The following ZNF804B variants were observed in gnomAD, a reference collection of about 807,000 sequenced individuals.
The protein encoded by ZNF804B is zinc finger protein 804B, also known as zinc finger 804B.
In ZNF804B, 80 loss-of-function variants were observed where a neutral mutation model predicts 101.4. The observed-to-expected ratio is 0.79, with a 90% CI of 0.66 to 0.95. The LOEUF (loss-of-function observed/expected upper bound fraction) is 0.95, where lower values mean the gene tolerates loss of function less well. Ranked by LOEUF, ZNF804B falls within the 40% of genes least tolerant of loss-of-function variation. ZNF804B has a pLI of 0.00. For missense variants in ZNF804B, 1,673 were observed against 1,561.9 expected, an observed-to-expected ratio of 1.07 and a Z score of -1.20; for synonymous variants, 622 against 558.8, an observed-to-expected ratio of 1.11 and a Z score of -1.59.
intron 1 of ZNF804B, among the ~76,000 whole-genome samples, chr7:88,836,096 C>A (rs553642267): frequency 6.6e-6 from 1 of 152,044 alleles, no homozygotes; most frequent in East Asian, 1.9e-4. Context: ...AAGGTATATA[C>A]AAGGGATCAA....
At position 89,204,400 on chromosome 7, in the gene ZNF804B, G is replaced by A. The variant is rs566513023; in HGVS notation, c.109-13755G>A. On this transcript the variant is annotated intron_variant, in intron 1 of 3. Transcript: ENST00000333190. The stretch of plus-strand genomic sequence containing the variant: ...CTACCTTTATAAATGGAACAGCATT[G>A]TGAGTCTGGAGGAAGAAAACTCATT... Among the ~76,000 whole-genome samples the A allele has an allele frequency of 3.3e-5, 5 of 152,258 alleles. No individual in the cohort carries two copies. The South Asian group carries it at 1.0e-3, about 32-fold the overall frequency.
At chr7:89,072,059 G>C (rs986577958) in intron 1 of ZNF804B, among the ~76,000 whole-genome samples, 2 of 152,126 alleles carry the variant, frequency 1.3e-5, no homozygotes, top group Admixed American at 1.3e-4. Context: ...TTTTGACCTC[G>C]AAAGAGAGGG....
intron 1 of ZNF804B, among the ~76,000 whole-genome samples, chr7:89,109,369 T>C (rs1405264860): frequency 1.3e-5 from 2 of 152,178 alleles, no homozygotes; most frequent in Non-Finnish European, 2.9e-5. Flanking sequence ...CATTAAATTT[T>C]ATATCATGAT....
chr7:89,146,889 A>C (rs1790798562), intron 1 of ZNF804B, among the ~76,000 whole-genome samples: 1 of 151,652 alleles, frequency 6.6e-6, no homozygotes, highest in South Asian at 2.1e-4. Flanking sequence ...TTAGCTGGGC[A>C]TGGTTGTTTG....
intron 2 of ZNF804B, among the ~76,000 whole-genome samples, chr7:89,279,599 A>C (rs1790048062): frequency 6.6e-6 from 1 of 152,066 alleles, no homozygotes; most frequent in African/African-American, 2.4e-5. Context: ...TTCTGCATCT[A>C]TTGAGATAAT....
chr7:88,889,539 G>C (rs1224253911), intron 1 of ZNF804B, among the ~76,000 whole-genome samples: 2 of 144,274 alleles, frequency 1.4e-5, no homozygotes, highest in Non-Finnish European at 3.0e-5. Flanking sequence ...GATTAGTGAT[G>C]ATGAGCATTT....
rs566778591 is a variant in ZNF804B, at chr7:89,070,746, T to G, written c.109-147409T>G. Among the ~76,000 whole-genome samples the G allele has an allele frequency of 4.6e-5, 7 of 152,260 alleles. No homozygotes were observed. In the East Asian group the frequency reaches 1.4e-3, roughly 29 times the overall value. On this transcript the variant is annotated intron_variant, in intron 1 of 3. Coordinates refer to ENST00000333190, the MANE Select transcript of ZNF804B (RefSeq NM_181646.5). ...CAAATTTTATAAGGTCAAATTGATT[T>G]TGACCTTATAAATTGATTTTATAAG...
At chr7:89,140,131 G>A (rs1211322153) in intron 1 of ZNF804B, among the ~76,000 whole-genome samples, 6 of 152,000 alleles carry the variant, frequency 3.9e-5, no homozygotes, top group Admixed American at 6.6e-5. Flanking sequence ...TGCTGTCAAT[G>A]AGCAGAAATA....
chr7:89,171,282 G>GCTT (rs1491140157), intron 1 of ZNF804B, among the ~76,000 whole-genome samples: 16 of 95,476 alleles, frequency 1.7e-4, no homozygotes, highest in African/African-American at 5.0e-4. Flanking sequence ...AAATAATGCT[G>GCTT]CTGCTGCTTC....
At chr7:88,892,515 A>G (rs944802605) in intron 1 of ZNF804B, among the ~76,000 whole-genome samples, 8 of 152,108 alleles carry the variant, frequency 5.3e-5, no homozygotes, top group Non-Finnish European at 1.0e-4. Flanking sequence ...TGTATAGAGT[A>G]TCTTTTCTCT....
intron 1 of ZNF804B, among the ~76,000 whole-genome samples, chr7:89,086,837 A>C (rs760919691): frequency 6.6e-6 from 1 of 151,958 alleles, no homozygotes; most frequent in Non-Finnish European, 1.5e-5. Flanking sequence ...AACAGTTATA[A>C]TAAAAATTTG....
At chr7:88,986,170 T>C (rs976357224) in intron 1 of ZNF804B, among the ~76,000 whole-genome samples, 1 of 152,114 alleles carries the variant, frequency 6.6e-6, no homozygotes, top group Non-Finnish European at 1.5e-5. Context: ...TCTAAATTTC[T>C]TCTGCTTTTC....
intron 1 of ZNF804B, among the ~76,000 whole-genome samples, chr7:89,156,061 T>TCTCG (rs1562899744): frequency 0.034 from 2,588 of 77,116 alleles, 76 homozygotes; most frequent in Middle Eastern, 0.057. Flanking sequence ...TCTTTCTTTC[T>TCTCG]TTCTTTCTTT....
intron 1 of ZNF804B, among the ~76,000 whole-genome samples, chr7:89,201,896 G>A (rs1788645405): frequency 6.6e-6 from 1 of 151,990 alleles, no homozygotes. Flanking sequence ...ACTTAATGAG[G>A]CTTATTCTGC....
intron 2 of ZNF804B, among the ~76,000 whole-genome samples, chr7:89,281,018 C>G (rs1209040481): frequency 6.6e-6 from 1 of 152,124 alleles, no homozygotes; most frequent in Non-Finnish European, 1.5e-5. Flanking sequence ...ACCATCTGCA[C>G]CATTCTTTCA....
chr7:89,026,634 G>T (rs1293260092), intron 1 of ZNF804B, among the ~76,000 whole-genome samples: 1 of 152,134 alleles, frequency 6.6e-6, no homozygotes, highest in East Asian at 1.9e-4. Context: ...AGGCACAAAT[G>T]ATAGAACCTA....
intron 1 of ZNF804B, among the ~76,000 whole-genome samples, chr7:89,087,658 G>A (rs1299407781): frequency 6.6e-6 from 1 of 151,802 alleles, no homozygotes; most frequent in Non-Finnish European, 1.5e-5. Flanking sequence ...CTAAAATTTT[G>A]TTAAAATGTG....
At chr7:89,091,725 A>G (rs1404249916) in intron 1 of ZNF804B, among the ~76,000 whole-genome samples, 1 of 152,172 alleles carries the variant, frequency 6.6e-6, no homozygotes. Context: ...GTAACCACCT[A>G]CAAGGATTCA....
intron 2 of ZNF804B, among the ~76,000 whole-genome samples, chr7:89,284,078 C>T (rs1053794071): frequency 2.0e-5 from 3 of 152,072 alleles, no homozygotes; most frequent in African/African-American, 7.2e-5. Flanking sequence ...CATACATAGC[C>T]CCATTCACAG....
Sources: allele counts gnomAD v4.1 joint callset (sites outside exome capture counted in the v4.1 genomes callset), GRCh38; gene constraint gnomAD v4.1.1; transcripts MANE v1.5; gene names NCBI Gene and HGNC (gene_info 2026-07-23, HGNC 2026-07-21).